The following PTPRR variants were observed in gnomAD, a reference collection of about 807,000 sequenced individuals.
PTPRR encodes protein tyrosine phosphatase receptor type R.
In PTPRR, 38 loss-of-function variants were observed where a neutral mutation model predicts 77.2. The ratio of observed to expected loss-of-function variants is 0.49; its 90% CI spans 0.38 to 0.65. The LOEUF is 0.65. Among genes scored for constraint, PTPRR ranks in the 30% least tolerant of loss-of-function variants. The probability of loss-of-function intolerance (pLI) is 0.00; values close to 1 mark genes in which losing one functional copy is unlikely to be tolerated. For synonymous variants in PTPRR, 299 were observed against 283.1 expected (o/e 1.06, Z -0.57); for missense variants, 744 against 799.2 (o/e 0.93, Z 0.83).
rs74701268 is a variant in PTPRR, at chr12:70,894,370, G to A, written c.59-1393C>T. Among the ~76,000 whole-genome samples the A allele has an allele frequency of 9.2e-3, 1,402 of 151,724 alleles. 12 individuals are homozygous for A. The highest frequency in any genetic ancestry group is 0.042 in the South Asian group (202 of 4,814). On this transcript the variant is annotated intron_variant, in intron 1 of 13. Transcript: ENST00000283228. ...ATTTTCTCTTAGGTGAGAGACCCACGTTCATTTATGCATACAATATACCTT... is the reference window on the plus strand; with the variant it reads ...ATTTTCTCTTAGGTGAGAGACCCACATTCATTTATGCATACAATATACCTT...
At chr12:70,698,691 A>G (rs1395547078) in intron 7 of PTPRR, among the ~76,000 whole-genome samples, 1 of 152,210 alleles carries the variant, frequency 6.6e-6, no homozygotes, top group Non-Finnish European at 1.5e-5. Context: ...AAAACAATGT[A>G]TTCAAATATA....
chr12:70,675,982 T>C (rs1566060870), intron 10 of PTPRR, among the ~76,000 whole-genome samples: 4 of 151,852 alleles, frequency 2.6e-5, no homozygotes, highest in Admixed American at 2.6e-4. Flanking sequence ...GTGATTTACA[T>C]TTACCTATTC....
intron 2 of PTPRR, among the ~76,000 whole-genome samples, chr12:70,868,976 T>C (rs1046210934): frequency 3.6e-5 from 5 of 137,692 alleles, no homozygotes; most frequent in Non-Finnish European, 7.6e-5. Context: ...TAGGTGGGAA[T>C]TGAGCAATGA....
intron 10 of PTPRR, among the ~76,000 whole-genome samples, chr12:70,670,462 G>A (rs1334893018): frequency 1.3e-5 from 2 of 152,144 alleles, no homozygotes; most frequent in East Asian, 1.9e-4. Flanking sequence ...TATAATATAG[G>A]AATAGTAAAA....
chr12:70,818,866 A>G lies in PTPRR; in HGVS notation c.358-54088T>C, dbSNP rs559939203. The stretch of plus-strand genomic sequence containing the variant: ...ATGGTAAGCCAAAGATCAATTTTAG[A>G]TTTTTTGTCTTTTCTCTACTTTTGA... On this transcript the variant is annotated intron_variant, in intron 2 of 13. Transcript: ENST00000283228. Among the ~76,000 whole-genome samples, 6 of 152,280 alleles carry G rather than the reference A, an allele frequency of 3.9e-5. No homozygotes were observed. In the East Asian group the frequency reaches 1.2e-3, roughly 29 times the overall value.
In PTPRR at chr12:70,892,782, A is replaced by G. The variant is rs1355219448; in HGVS notation, c.254T>C (p.Phe85Ser). The G allele has an allele frequency of 5.0e-6, 8 of 1,613,528 alleles. No homozygotes were observed. Among genetic ancestry groups the G allele is most frequent in the Non-Finnish European group, 6.8e-6 (8 of 1,179,566 alleles). Residue 85 changes from phenylalanine to serine, a missense_variant, in exon 2 of 14, where the codon TTT (phenylalanine) becomes TCT (serine). Physicochemically the swap from Phe to Ser is radical, Grantham distance 155. Around this residue, in one of 3 missense-constraint regions of PTPRR, gnomAD observed 570 missense variants for 573.2 expected, o/e 0.99. Coordinates refer to ENST00000283228, the MANE Select transcript of PTPRR (RefSeq NM_002849.4). ...AGACGGGTCATATGCGGGTCTAGGAAATGCTGAATTGACAATCTGGTGGCG... is the reference window on the plus strand; with the variant it reads ...AGACGGGTCATATGCGGGTCTAGGAGATGCTGAATTGACAATCTGGTGGCG... The part of the protein sequence containing the change: ...SKRHQIVNSA[F>S]PRPAYDPSLN...
intron 2 of PTPRR, among the ~76,000 whole-genome samples, chr12:70,805,920 T>G (rs1592767300): frequency 6.6e-6 from 1 of 152,228 alleles, no homozygotes; most frequent in Non-Finnish European, 1.5e-5. Flanking sequence ...GTATATGTAT[T>G]TCATATAGCA....
At chr12:70,864,061 C>A (rs957706015) in intron 2 of PTPRR, among the ~76,000 whole-genome samples, 1 of 152,120 alleles carries the variant, frequency 6.6e-6, no homozygotes, top group Non-Finnish European at 1.5e-5. Context: ...TTGTAGACAT[C>A]CAAAGACAGC....
chr12:70,806,718 T>C lies in PTPRR; in HGVS notation c.358-41940A>G, dbSNP rs566891792. 4.6e-5 allele frequency among the ~76,000 whole-genome samples: 7 copies of C among 152,318 alleles called. No homozygotes were observed. The East Asian group carries it at 1.3e-3, about 29-fold the overall frequency. On this transcript the variant is annotated intron_variant, in intron 2 of 13. Coordinates refer to ENST00000283228, the MANE Select transcript of PTPRR (RefSeq NM_002849.4). ...TATTGCCTTTCCATTGTTTATTCTG[T>C]TCGGAATCGTAGTTCCCATTTCCTT...
In PTPRR at chr12:70,794,813, C is replaced by A. The variant is rs542878344; in HGVS notation, c.358-30035G>T. On this transcript the variant is annotated intron_variant, in intron 2 of 13. Transcript: ENST00000283228. Reference sequence around the variant, plus strand: ...TTGACATAGCCACAGGCAGATACTACCACTGCCAACAACTATGGCAATTTC... The same window carrying A: ...TTGACATAGCCACAGGCAGATACTAACACTGCCAACAACTATGGCAATTTC... 2.0e-5 allele frequency among the ~76,000 whole-genome samples: 3 copies of A among 152,298 alleles called. No individual in the cohort carries two copies. In the South Asian group the frequency reaches 6.2e-4, roughly 32 times the overall value.
intron 8 of PTPRR, among the ~76,000 whole-genome samples, chr12:70,696,514 A>C (rs1888238962): frequency 6.6e-6 from 1 of 152,214 alleles, no homozygotes; most frequent in South Asian, 2.1e-4. Flanking sequence ...GCTCAACAGC[A>C]GATCTACTTA....
At chr12:70,709,864 T>C (rs759538179) in intron 6 of PTPRR, among the ~76,000 whole-genome samples, 1 of 152,022 alleles carries the variant, frequency 6.6e-6, no homozygotes, top group Non-Finnish European at 1.5e-5. Context: ...GGAAAAACAT[T>C]CCACGTTCAT....
chr12:70,672,246 G>A, intron 10 of PTPRR: 9 of 1,591,128 alleles, frequency 5.7e-6, no homozygotes, highest in Non-Finnish European at 6.9e-6. Context: ...AAGGTGGTGT[G>A]TGTGGGCATG....
intron 13 of PTPRR, among the ~76,000 whole-genome samples, chr12:70,647,951 T>C (rs551556296): frequency 3.3e-5 from 5 of 152,322 alleles, no homozygotes; most frequent in Admixed American, 6.5e-5. Flanking sequence ...CTGGTTTATA[T>C]AGCAACTAGT....
At chr12:70,811,038 G>A (rs969436407) in intron 2 of PTPRR, among the ~76,000 whole-genome samples, 3 of 151,968 alleles carry the variant, frequency 2.0e-5, no homozygotes, top group Non-Finnish European at 2.9e-5. Flanking sequence ...GTGATTTCTC[G>A]GAGACAGTGA....
rs535906404 is a variant in PTPRR at position 70,781,355 on chromosome 12, G to C, written c.358-16577C>G. ...CAGGAGTAGAGAGGTTCCAAAAGAGGTTTCTCAACAGAGCCAGATACTGCT... is the reference window on the plus strand; with the variant it reads ...CAGGAGTAGAGAGGTTCCAAAAGAGCTTTCTCAACAGAGCCAGATACTGCT... On this transcript the variant is annotated intron_variant, in intron 2 of 13. Transcript: ENST00000283228. Among the ~76,000 whole-genome samples, 6 of 152,324 alleles carry C rather than the reference G, an allele frequency of 3.9e-5. No individual in the cohort carries two copies. In the South Asian group the frequency reaches 8.3e-4, roughly 21 times the overall value.
At chr12:70,683,260 C>T (rs1592669394) in intron 10 of PTPRR, among the ~76,000 whole-genome samples, 1 of 152,132 alleles carries the variant, frequency 6.6e-6, no homozygotes, top group Admixed American at 6.5e-5. Context: ...CACTGAAATG[C>T]TGATTAAAAT....
intron 2 of PTPRR, among the ~76,000 whole-genome samples, chr12:70,845,228 C>T (rs17226605): frequency 0.49 from 74,238 of 151,644 alleles, 18,486 homozygotes; most frequent in East Asian, 0.59. Flanking sequence ...AGAAAAGAAG[C>T]TTATAGGTGT....
At chr12:70,834,833 T>A (rs1211110991) in intron 2 of PTPRR, among the ~76,000 whole-genome samples, 1 of 152,140 alleles carries the variant, frequency 6.6e-6, no homozygotes, top group African/African-American at 2.4e-5. Context: ...TTTGCCTTCC[T>A]GGCTAGAGAA....
Sources: allele counts gnomAD v4.1 joint callset (sites outside exome capture counted in the v4.1 genomes callset), GRCh38; gene constraint gnomAD v4.1.1; regional missense constraint gnomAD v4.1.1; transcripts MANE v1.5; gene names NCBI Gene and HGNC (gene_info 2026-07-23, HGNC 2026-07-21).